Variants in FUT8 observed in about 807,000 individuals in gnomAD.
FUT8 encodes the protein alpha-(1,6)-fucosyltransferase.
Under a neutral mutation model 71.3 loss-of-function variants are expected in FUT8, and 29 were observed. The ratio of observed to expected loss-of-function variants is 0.41; its 90% CI spans 0.30 to 0.55. The LOEUF (loss-of-function observed/expected upper bound fraction) is 0.55. Among genes scored for constraint, FUT8 ranks in the 20% least tolerant of loss-of-function variants. FUT8 has a pLI of 0.34. For synonymous variants in FUT8, 254 were observed against 239.3 expected (o/e 1.06, Z -0.57); for missense variants, 544 against 702.1 (o/e 0.77, Z 2.55).
chr14:65,481,405 C>T (rs921208571), intron 2 of FUT8, among the ~76,000 whole-genome samples: 3 of 150,750 alleles, frequency 2.0e-5, no homozygotes, highest in Non-Finnish European at 4.4e-5. Flanking sequence ...TTTTTCTGAT[C>T]GATTTCCTTA....
At chr14:65,612,454 T>G (rs966102709) in intron 3 of FUT8, among the ~76,000 whole-genome samples, 1 of 152,236 alleles carries the variant, frequency 6.6e-6, no homozygotes, top group Non-Finnish European at 1.5e-5. Flanking sequence ...CAGGTACTAC[T>G]TCCTCTAATC....
chr14:65,492,177 A>T (rs943166155), intron 2 of FUT8, among the ~76,000 whole-genome samples: 3 of 152,224 alleles, frequency 2.0e-5, no homozygotes, highest in African/African-American at 7.2e-5. Flanking sequence ...ACCAAAGGTA[A>T]GTAATATTTT....
chr14:65,522,407 G>C (rs1317366390), intron 2 of FUT8, among the ~76,000 whole-genome samples: 1 of 151,790 alleles, frequency 6.6e-6, no homozygotes, highest in Non-Finnish European at 1.5e-5. Context: ...TTGAAATTAG[G>C]TGTTCTTGGG....
the FUT8 span, among the ~76,000 whole-genome samples, chr14:65,403,982 C>T: frequency 3.3e-5 from 5 of 151,954 alleles, no homozygotes; most frequent in Non-Finnish European, 7.4e-5. Context: ...AGTGCAACCT[C>T]CACCTCCCGG....
intron 2 of FUT8, among the ~76,000 whole-genome samples, chr14:65,492,510 A>G (rs901707585): frequency 6.6e-6 from 1 of 152,104 alleles, no homozygotes; most frequent in Admixed American, 6.6e-5. Context: ...TTTTCTGTAC[A>G]TCACTTTCCT....
Position 65,550,499 on chromosome 14 carries a change from A to G in FUT8, c.-227-10838A>G, listed in dbSNP as rs1169420466. ...TGAAAGTGAAGAACAAAATGGTTGT[A>G]GGGTTACTCAGAGTGGTTTCTACTG... On this transcript the variant is annotated intron_variant, in intron 2 of 10. Coordinates refer to ENST00000673929, the MANE Select transcript of FUT8 (RefSeq NM_001371533.1). The surrounding 1 kb of genome is among the most constrained non-coding windows in gnomAD (Gnocchi z 4.5). 1.3e-5 allele frequency among the ~76,000 whole-genome samples: 2 copies of G among 152,316 alleles called. No homozygotes were observed. Among genetic ancestry groups the G allele is most frequent in the South Asian group, 2.1e-4 (1 of 4,818 alleles).
intron 9 of FUT8, among the ~76,000 whole-genome samples, chr14:65,728,600 A>G (rs1895804598): frequency 6.6e-6 from 1 of 152,244 alleles, no homozygotes; most frequent in African/African-American, 2.4e-5. Context: ...ACCACATAAC[A>G]TTTCAGTCAG....
intron 7 of FUT8, among the ~76,000 whole-genome samples, chr14:65,677,156 G>GCGCGCGCGCGCACGCGCGCGCA (rs1343783204): frequency 2.6e-5 from 3 of 115,678 alleles, no homozygotes; most frequent in African/African-American, 1.3e-4. Context: ...GTGTGTGCGC[G>GCGCGCGCGCGCACGCGCGCGCA]CGCGCATGCG....
At chr14:65,675,102 ATCT>A (rs1892651805) in intron 7 of FUT8, among the ~76,000 whole-genome samples, 1 of 152,212 alleles carries the variant, frequency 6.6e-6, no homozygotes, top group Non-Finnish European at 1.5e-5. Context: ...TCACCATTAC[ATCT>A]TCTTTCATTT....
intron 1 of FUT8, among the ~76,000 whole-genome samples, chr14:65,425,237 C>T (rs1263938309): frequency 6.6e-6 from 1 of 151,502 alleles, no homozygotes; most frequent in Non-Finnish European, 1.5e-5. Flanking sequence ...ACGAACTCGG[C>T]TCACCACAAC....
chr14:65,634,216 C>A (rs570065929), intron 6 of FUT8, among the ~76,000 whole-genome samples: 153 of 152,124 alleles, frequency 1.0e-3, no homozygotes, highest in African/African-American at 3.4e-3. Context: ...TTGTTCTGTA[C>A]TAAGAAAAAT....
chr14:65,576,972 G>C (rs968578993), intron 3 of FUT8, among the ~76,000 whole-genome samples: 1 of 151,728 alleles, frequency 6.6e-6, no homozygotes, highest in African/African-American at 2.4e-5. Context: ...CAAAGTGCTG[G>C]GATTACAGGC....
rs994314000 is a variant in FUT8 at position 65,660,820 on chromosome 14, A to G, written c.598-8423A>G. On this transcript the variant is annotated intron_variant, in intron 6 of 10. Transcript: ENST00000673929. This position sits in a 1 kb window ranked among gnomAD's most constrained non-coding sequence, Gnocchi z 4.1. ...CTGAGTCTTCATTTTAATTACCACA[A>G]TGGAGTACTTCAGTTCTCTTATTTG... Among the ~76,000 whole-genome samples, 8 of 152,188 alleles carry G rather than the reference A, an allele frequency of 5.3e-5. No individual in the cohort carries two copies. The highest frequency in any genetic ancestry group is 1.4e-4 in the African/African-American group (6 of 41,458).
At chr14:65,453,692 A>G (rs940447612) in intron 1 of FUT8, among the ~76,000 whole-genome samples, 13 of 152,154 alleles carry the variant, frequency 8.5e-5, no homozygotes, top group African/African-American at 2.9e-4. Context: ...GTCAGCCCAG[A>G]GTTGTTCATA....
intron 3 of FUT8, among the ~76,000 whole-genome samples, chr14:65,586,479 G>C (rs914698906): frequency 2.6e-5 from 4 of 152,120 alleles, no homozygotes; most frequent in Admixed American, 2.0e-4. Flanking sequence ...GATAAAATTG[G>C]CAGTAACATC....
At chr14:65,368,955 C>A in the FUT8 span, among the ~76,000 whole-genome samples, 4 of 152,206 alleles carry the variant, frequency 2.6e-5, no homozygotes, top group African/African-American at 9.7e-5. Flanking sequence ...CCACCATGCC[C>A]GGCTGCAAAA....
chr14:65,582,391 A>T, intron 3 of FUT8, among the ~76,000 whole-genome samples: 1 of 152,036 alleles, frequency 6.6e-6, no homozygotes, highest in Admixed American at 6.6e-5. Context: ...ATTAATGTTT[A>T]CTCTTAATAC....
At chr14:65,364,943 C>T in the FUT8 span, among the ~76,000 whole-genome samples, 1 of 152,154 alleles carries the variant, frequency 6.6e-6, no homozygotes, top group South Asian at 2.1e-4. Context: ...GCTTGCCGTC[C>T]ACACACACCC....
At chr14:65,533,415 A>C (rs1884083117) in intron 2 of FUT8, among the ~76,000 whole-genome samples, 1 of 151,976 alleles carries the variant, frequency 6.6e-6, no homozygotes, top group South Asian at 2.1e-4. Flanking sequence ...TTTTTGTGGC[A>C]GTTGCGAATG....
Sources: allele counts gnomAD v4.1 joint callset (sites outside exome capture counted in the v4.1 genomes callset), GRCh38; gene constraint gnomAD v4.1.1; non-coding constraint Gnocchi (gnomAD v3.1); transcripts MANE v1.5; gene names NCBI Gene and HGNC (gene_info 2026-07-23, HGNC 2026-07-21).